The following PTPRE variants were observed in gnomAD, a reference collection of about 807,000 sequenced individuals.
PTPRE encodes the protein receptor-type tyrosine-protein phosphatase epsilon.
A neutral mutation model predicts 102.0 loss-of-function variants in PTPRE; 51 were observed. That is an observed-to-expected ratio of 0.50 (90% CI 0.40 to 0.63). The LOEUF is 0.63. Ranked by LOEUF, PTPRE falls within the 30% of genes least tolerant of loss-of-function variation. The pLI, the probability that PTPRE is intolerant of heterozygous loss-of-function variation, is 0.00. For synonymous variants in PTPRE, 345 were observed against 348.2 expected (o/e 0.99, Z 0.10); for missense variants, 752 against 915.1 (o/e 0.82, Z 2.30).
chr10:127,977,123 G>A, intron 1 of PTPRE, among the ~76,000 whole-genome samples: 1 of 152,180 alleles, frequency 6.6e-6, no homozygotes, highest in Non-Finnish European at 1.5e-5. Flanking sequence ...GTGAATGACA[G>A]TTCTTGCTAC....
At chr10:128,007,287 C>G (rs1264281984) in intron 2 of PTPRE, among the ~76,000 whole-genome samples, 1 of 152,138 alleles carries the variant, frequency 6.6e-6, no homozygotes, top group Admixed American at 6.5e-5. Context: ...ACTCCTTGAA[C>G]AAATATTTAT....
intron 2 of PTPRE, among the ~76,000 whole-genome samples, chr10:127,992,511 C>T (rs940467200): frequency 7.2e-5 from 11 of 152,280 alleles, no homozygotes; most frequent in Admixed American, 4.6e-4. Flanking sequence ...GGCCTCAGCT[C>T]GGGGCTTCCT....
At position 128,028,529 on chromosome 10, in the gene PTPRE, C is replaced by T. The variant is rs1276599038; in HGVS notation, c.-7-12346C>T. On this transcript the variant is annotated intron_variant, in intron 2 of 20. Coordinates refer to ENST00000254667, the MANE Select transcript of PTPRE (RefSeq NM_006504.6). The surrounding 1 kb of genome is among the most constrained non-coding windows in gnomAD (Gnocchi z 4.5). Reference sequence around the variant, plus strand: ...GTACACAGCACACCTGGCCCTGGCTCAGCCCCCCAATGTGGACAGGTTGCA... The same window carrying T: ...GTACACAGCACACCTGGCCCTGGCTTAGCCCCCCAATGTGGACAGGTTGCA... 6.6e-6 allele frequency among the ~76,000 whole-genome samples: 1 copy of T among 152,166 alleles called. No individual in the cohort carries two copies. The highest frequency in any genetic ancestry group is 1.9e-4 in the East Asian group (1 of 5,186).
chr10:127,955,031 G>A (rs568016391), intron 1 of PTPRE, among the ~76,000 whole-genome samples: 6 of 151,898 alleles, frequency 4.0e-5, no homozygotes, highest in East Asian at 2.0e-4. Flanking sequence ...TGTTGGCTGC[G>A]GTGACTGATC....
At chr10:128,047,945 C>A in intron 5 of PTPRE, 108 bp downstream of exon 5, 2 of 1,163,788 alleles carry the variant, frequency 1.7e-6, no homozygotes, top group South Asian at 1.6e-5. Flanking sequence ...TGAGGTGTGC[C>A]TTGCCACTTT....
intron 1 of PTPRE, among the ~76,000 whole-genome samples, chr10:127,941,650 T>C (rs1338421000): frequency 1.3e-5 from 2 of 152,262 alleles, no homozygotes; most frequent in Non-Finnish European, 2.9e-5. Flanking sequence ...CGCACTTGGT[T>C]TCTGGACAGC....
chr10:128,067,201 TACAC>T (rs1411143939), intron 11 of PTPRE, among the ~76,000 whole-genome samples: 1 of 94,356 alleles, frequency 1.1e-5, no homozygotes, highest in African/African-American at 4.2e-5. Context: ...TGCACACACA[TACAC>T]CCACACACAT....
chr10:127,960,944 C>A (rs1311117327), intron 1 of PTPRE, among the ~76,000 whole-genome samples: 1 of 151,426 alleles, frequency 6.6e-6, no homozygotes, highest in Non-Finnish European at 1.5e-5. Context: ...TGGCGTGAAC[C>A]CGGGAGGCAG....
chr10:127,936,968 C>T (rs1359694092), intron 1 of PTPRE, among the ~76,000 whole-genome samples: 1 of 152,128 alleles, frequency 6.6e-6, no homozygotes, highest in Non-Finnish European at 1.5e-5. Flanking sequence ...GTGAAGGTGG[C>T]CTGTCTAGGA....
chr10:127,921,511 G>A (rs1846603615), intron 1 of PTPRE, among the ~76,000 whole-genome samples: 1 of 152,196 alleles, frequency 6.6e-6, no homozygotes, highest in South Asian at 2.1e-4. Flanking sequence ...CCTGGGAAGG[G>A]CTTTAGAATC....
At chr10:127,965,683 G>T (rs1249065027) in intron 1 of PTPRE, among the ~76,000 whole-genome samples, 1 of 152,202 alleles carries the variant, frequency 6.6e-6, no homozygotes, top group African/African-American at 2.4e-5. Flanking sequence ...GATAACACTG[G>T]CTTAATTTGT....
At chr10:128,025,467 G>C (rs1846226079) in intron 2 of PTPRE, among the ~76,000 whole-genome samples, 1 of 152,214 alleles carries the variant, frequency 6.6e-6, no homozygotes, top group Non-Finnish European at 1.5e-5. Context: ...AATAGCGATA[G>C]ATTTTATTGC....
chr10:128,068,048 G>A lies in PTPRE; in HGVS notation c.844-75G>A, dbSNP rs1418634881. 3.7e-5 allele frequency: 56 copies of A among 1,512,736 alleles called. 1 individual carries two copies. Among genetic ancestry groups the A allele is most frequent in the Middle Eastern group, 2.4e-4 (1 of 4,252 alleles). The allele number at this position is 1,512,736 out of a possible 1,614,324, so 93.7% of individuals were successfully genotyped here. A position where few individuals can be genotyped will look rare whatever the true frequency, so the allele number is the denominator to read the frequency against. On this transcript the variant is annotated intron_variant, in intron 11 of 20. Coordinates refer to ENST00000254667, the MANE Select transcript of PTPRE (RefSeq NM_006504.6). ...CCAGCACAGGGGAGCCCACGGCGGC[G>A]TCCTCAGAATGAGATGCTGGGGGAG...
At chr10:128,049,055 G>A (rs577968671) in intron 5 of PTPRE, among the ~76,000 whole-genome samples, 2 of 152,170 alleles carry the variant, frequency 1.3e-5, no homozygotes, top group Admixed American at 1.3e-4. Flanking sequence ...AGCTTATGGG[G>A]TTTGAGGAAC....
At chr10:128,038,352 G>A (rs1847400500) in intron 2 of PTPRE, among the ~76,000 whole-genome samples, 1 of 152,150 alleles carries the variant, frequency 6.6e-6, no homozygotes, top group Non-Finnish European at 1.5e-5. Flanking sequence ...CAAGACACAT[G>A]CACACAGATG....
intron 2 of PTPRE, among the ~76,000 whole-genome samples, chr10:128,032,826 C>G (rs934467002): frequency 2.0e-5 from 3 of 152,174 alleles, no homozygotes; most frequent in Non-Finnish European, 4.4e-5. Context: ...AGTCTGAACT[C>G]TCTTCTTCCA....
intron 2 of PTPRE, among the ~76,000 whole-genome samples, chr10:127,996,407 G>A (rs2135532206): frequency 6.6e-6 from 1 of 152,358 alleles, no homozygotes; most frequent in South Asian, 2.1e-4. Flanking sequence ...AACAGGGTGA[G>A]AAAGAAGGCA....
At chr10:127,962,707 G>T (rs1336781633) in intron 1 of PTPRE, among the ~76,000 whole-genome samples, 3 of 152,230 alleles carry the variant, frequency 2.0e-5, no homozygotes. Flanking sequence ...GACATCAGCA[G>T]TGTCTGGAGA....
intron 2 of PTPRE, among the ~76,000 whole-genome samples, chr10:128,020,885 AGT>A (rs1291858769): frequency 1.3e-5 from 2 of 148,866 alleles, no homozygotes; most frequent in Non-Finnish European, 3.0e-5. Flanking sequence ...CTGTGGGTAC[AGT>A]GTCTTTTTTT....
Sources: allele counts gnomAD v4.1 joint callset (sites outside exome capture counted in the v4.1 genomes callset), GRCh38; gene constraint gnomAD v4.1.1; non-coding constraint Gnocchi (gnomAD v3.1); transcripts MANE v1.5; gene names NCBI Gene and HGNC (gene_info 2026-07-23, HGNC 2026-07-21).